CPLANE1: variants seen among roughly 807,000 people sequenced by gnomAD.
CPLANE1 encodes ciliogenesis and planar polarity effector complex subunit 1, also known as ciliogenesis and planar polarity effector 1.
In CPLANE1, 263 loss-of-function variants were observed where a neutral mutation model predicts 362.5. The observed-to-expected ratio is 0.73, with a 90% confidence interval of 0.66 to 0.80. The LOEUF (loss-of-function observed/expected upper bound fraction) is 0.80. Ranked by LOEUF, CPLANE1 falls within the 30% of genes least tolerant of loss-of-function variation. The pLI is 0.00. For missense variants in CPLANE1, 3,461 were observed against 3,793.4 expected, an observed-to-expected ratio of 0.91 and a Z score of 2.30; for synonymous variants, 1,212 against 1,302.6, an observed-to-expected ratio of 0.93 and a Z score of 1.50.
chr5:37,247,750 AAAC>A lies in CPLANE1; in HGVS notation c.-47-8_-47-6del. On this transcript the variant is annotated splice_region_variant and splice_polypyrimidine_tract_variant and intron_variant, in intron 1 of 52. Coordinates refer to ENST00000651892, the MANE Select transcript of CPLANE1 (RefSeq NM_001384732.1). ...AAGTAAAACAGTCCCAAGATTCTGT[AAAC>A]AATAATAGTAATAAAATATAAATGA... 2 of 1,499,982 alleles carry A rather than the reference AAAC, an allele frequency of 1.3e-6. No homozygotes were observed. The highest frequency in any genetic ancestry group is 1.8e-6 in the Non-Finnish European group (2 of 1,118,092). 92.9% of individuals were successfully genotyped at this position (1,499,982 alleles called of 1,614,324 possible).
chr5:37,156,215 C>T (rs1345426912), intron 41 of CPLANE1, among the ~76,000 whole-genome samples: 3 of 152,190 alleles, frequency 2.0e-5, no homozygotes, highest in Non-Finnish European at 4.4e-5. Flanking sequence ...CACTGTGGAA[C>T]CTAGGGGAGA....
chr5:37,213,792 T>G, intron 15 of CPLANE1, 60 bp from the exon 16 acceptor site: 1 of 1,292,894 alleles, frequency 7.7e-7, no homozygotes, highest in East Asian at 2.8e-5. Context: ...TAATAATATT[T>G]AAGTTCCCAA....
In CPLANE1 at chr5:37,239,724, T is replaced by C; in HGVS notation, c.823A>G (p.Lys275Glu). The change falls in exon 7 of 53, where the codon AAA (lysine) becomes GAA (glutamate). Residue 275 changes from lysine to glutamate, a missense_variant. By Grantham distance (56) the Lys-to-Glu change is moderately conservative (BLOSUM62 1). Around this residue, in one of 2 missense-constraint regions of CPLANE1, gnomAD observed 3,380 missense variants for 3,666.1 expected, o/e 0.92. Transcript: ENST00000651892. ...GLTLAVTLNQ[K>E]DPKATQVLFI... ...AGATATTTACTGACCTTGGGGTCTT[T>C]CTGATTAAGAGTTACTGCCAGGGTA... The C allele has an allele frequency of 6.6e-7, 1 of 1,514,204 alleles. No individual in the cohort carries two copies. Among genetic ancestry groups the C allele is most frequent in the African/African-American group, 1.4e-5 (1 of 72,356 alleles). The allele number at this position is 1,514,204 out of a possible 1,614,324, so 93.8% of individuals were successfully genotyped here. A position where few individuals can be genotyped will look rare whatever the true frequency, so the allele number is the denominator to read the frequency against.
chr5:37,088,890 T>G, the CPLANE1 span, among the ~76,000 whole-genome samples: 1 of 152,132 alleles, frequency 6.6e-6, no homozygotes, highest in Non-Finnish European at 1.5e-5. Flanking sequence ...ACCGTGGTAA[T>G]TGATAGTGAT....
At position 37,179,404 on chromosome 5, in the gene CPLANE1, C is replaced by A; in HGVS notation, c.5777G>T (p.Ser1926Ile). Residue 1926 changes from serine (S) to isoleucine (I), a missense_variant, in exon 29 of 53, where the codon AGT becomes ATT. Around this residue, in one of 2 missense-constraint regions of CPLANE1, gnomAD observed 3,380 missense variants for 3,666.1 expected, o/e 0.92. Transcript: ENST00000651892. ...TAAAGTCATCATGCAAATGGCAAGA[C>A]TGGGACTTCTGAAACCTCCAACAGA... The part of the protein sequence containing the change: ...EESVGGFRSP[S>I]LAICMMTLPQ... 1 of 1,613,434 alleles carries A rather than the reference C, an allele frequency of 6.2e-7. No homozygotes were observed. Among genetic ancestry groups the A allele is most frequent in the African/African-American group, 1.3e-5 (1 of 75,014 alleles).
intron 8 of CPLANE1, among the ~76,000 whole-genome samples, chr5:37,236,318 C>T (rs1170305561): frequency 6.6e-6 from 1 of 152,050 alleles, no homozygotes; most frequent in East Asian, 1.9e-4. Context: ...TAAAAATATA[C>T]ACTGGGGAAA....
chr5:37,231,136 T>A, intron 8 of CPLANE1, 87 bp from the exon 9 acceptor site: 1 of 960,598 alleles, frequency 1.0e-6, no homozygotes, highest in Non-Finnish European at 1.4e-6. Context: ...AGCAGAGGTG[T>A]GAAAGTTCAA....
chr5:37,139,524 C>A, intron 44 of CPLANE1, 154 bp from the exon 45 acceptor site: 1 of 1,141,054 alleles, frequency 8.8e-7, no homozygotes, highest in Non-Finnish European at 1.1e-6. Context: ...TATTTATCCT[C>A]TTCCTGAATA....
chr5:37,183,266 C>T lies in CPLANE1; in HGVS notation c.4915G>A (p.Gly1639Ser). ...AGTTTCTGGTTTTCTAAATGCATGCCATATTCATCATTTAAAGAGGATGAT... is the reference window on the plus strand; with the variant it reads ...AGTTTCTGGTTTTCTAAATGCATGCTATATTCATCATTTAAAGAGGATGAT... ...EKSSSLNDEY[G>S]MHLENQKLSS... The change falls in exon 26 of 53, where the codon GGC (glycine) becomes AGC (serine). Residue 1639 changes from glycine (G) to serine (S), a missense_variant. Around this residue, in one of 2 missense-constraint regions of CPLANE1, gnomAD observed 3,380 missense variants for 3,666.1 expected, o/e 0.92. Transcript: ENST00000651892. 2 of 1,613,054 alleles carry T rather than the reference C, an allele frequency of 1.2e-6. No homozygotes were observed. Among genetic ancestry groups the T allele is most frequent in the Non-Finnish European group, 1.7e-6 (2 of 1,179,744 alleles).
rs768413158 is a variant in CPLANE1, at chr5:37,227,582, C to T, written c.1357G>A (p.Val453Met). The change falls in exon 10 of 53, where the codon GTG becomes ATG. Residue 453 changes from valine (V) to methionine (M), a missense_variant. Transcript: ENST00000651892. Reference protein sequence around the residue: ...TQRLEKIYQSVILSKPKGKGL... With the variant: ...TQRLEKIYQSMILSKPKGKGL... ...AAGCACTATACCTTAGACAATATCA[C>T]ACTTTGATATATTTTCTCAAGCCTC... is the stretch of plus-strand genomic sequence containing the variant. 5 of 1,550,616 alleles carry T rather than the reference C, an allele frequency of 3.2e-6. No individual in the cohort carries two copies. The East Asian group carries it at 9.8e-5, about 30-fold the overall frequency.
chr5:37,229,071 T>C (rs1253520915), intron 9 of CPLANE1, among the ~76,000 whole-genome samples: 2 of 151,074 alleles, frequency 1.3e-5, no homozygotes, highest in African/African-American at 2.4e-5. Flanking sequence ...AATACAAAAA[T>C]TATCTGGGCG....
At chr5:37,204,512 T>C (rs1473032254) in intron 18 of CPLANE1, among the ~76,000 whole-genome samples, 1 of 152,098 alleles carries the variant, frequency 6.6e-6, no homozygotes, top group African/African-American at 2.4e-5. Context: ...ACTTTTCAAA[T>C]AAAAAAGATC....
rs1580932925 is a variant in CPLANE1, at chr5:37,230,908, G to A, written c.1080C>T (p.Gly360=). 6.5e-7 allele frequency: 1 copy of A among 1,546,732 alleles called. No individual in the cohort carries two copies. The highest frequency in any genetic ancestry group is 2.5e-5 in the East Asian group (1 of 40,754). ...GATGAAGAGGAATAAATTCTGCTGG[G>A]CCAAATTCTATAGAGCAACCAAATG... ...LITFGCSIEF[G]PAEFIPLHPL... The change falls in exon 9 of 53, where the codon GGC becomes GGT. Residue 360 remains glycine, a synonymous_variant. Transcript: ENST00000651892.
At position 37,239,600 on chromosome 5, in the gene CPLANE1, AC is replaced by A. The variant is rs1473446293; in HGVS notation, c.834+112del. 75 of 672,134 alleles carry A rather than the reference AC, an allele frequency of 1.1e-4. 1 individual carries two copies. Among genetic ancestry groups the A allele is most frequent in the Admixed American group, 3.8e-4 (9 of 23,690 alleles). 41.6% of individuals were successfully genotyped at this position (672,134 alleles called of 1,614,324 possible). On this transcript the variant is annotated intron_variant, in intron 7 of 52. Transcript: ENST00000651892. ...CCTGTCAAAAAAAAAAAAAAAAAAAACCAGAAAGAAAAAAAAAATGGATATA... is the reference window on the plus strand; with the variant it reads ...CCTGTCAAAAAAAAAAAAAAAAAAAACAGAAAGAAAAAAAAAATGGATATA...
chr5:37,133,824 G>T (rs913553705), intron 46 of CPLANE1, among the ~76,000 whole-genome samples: 3 of 152,116 alleles, frequency 2.0e-5, no homozygotes, highest in African/African-American at 7.2e-5. Context: ...AATAGAAGTG[G>T]TAAGATTAAG....
intron 20 of CPLANE1, among the ~76,000 whole-genome samples, chr5:37,198,188 G>A (rs796077100): frequency 1.3e-5 from 2 of 152,254 alleles, no homozygotes; most frequent in East Asian, 1.9e-4. Context: ...AGAATGAAGC[G>A]ACAGCTCAGC....
rs1012462823 is a variant in CPLANE1 at position 37,221,425 on chromosome 5, T to C, written c.2645A>G (p.Tyr882Cys). The C allele has an allele frequency of 6.5e-6, 10 of 1,534,734 alleles. No homozygotes were observed. The African/African-American group carries it at 1.1e-4, about 17-fold the overall frequency. The change falls in exon 15 of 53, where the codon TAT becomes TGT. Residue 882 changes from tyrosine (Y) to cysteine (C), a missense_variant. Transcript: ENST00000651892. ...TTGAGCATCATTTAAATTATAGCTATAGAGGTGGCAGTATAAGAGAGAAAG... is the reference window on the plus strand; with the variant it reads ...TTGAGCATCATTTAAATTATAGCTACAGAGGTGGCAGTATAAGAGAGAAAG... ...YYLSLLYCHL[Y>C]SYNLNDAQGL... is the part of the protein sequence containing the mutation.
chr5:37,142,248 T>C (rs935322956), intron 44 of CPLANE1, 62 bp downstream of exon 44: 1 of 1,380,602 alleles, frequency 7.2e-7, no homozygotes, highest in Non-Finnish European at 9.4e-7. Context: ...CAGTAAATCA[T>C]GTTCAGTAAC....
chr5:37,133,342 T>C lies in CPLANE1; in HGVS notation c.8792+5378A>G, dbSNP rs181126260. Reference sequence around the variant, plus strand: ...ATTGGTAGCTTGATAGAAATAGTGTTGAATCTATAGATTGCTTTGGGCAGT... The same window carrying C: ...ATTGGTAGCTTGATAGAAATAGTGTCGAATCTATAGATTGCTTTGGGCAGT... On this transcript the variant is annotated intron_variant, in intron 46 of 52. Transcript: ENST00000651892. Among the ~76,000 whole-genome samples the C allele has an allele frequency of 3.4e-3, 517 of 152,304 alleles. 1 individual carries two copies. The highest frequency in any genetic ancestry group is 4.5e-3 in the Non-Finnish European group (309 of 68,022).
Sources: gnomAD v4.1 joint callset for allele counts (sites outside exome capture counted in the v4.1 genomes callset) on GRCh38, gnomAD v4.1.1 for gene constraint, gnomAD v4.1.1 regional missense constraint, MANE v1.5 for transcripts, NCBI Gene and HGNC (gene_info 2026-07-23, HGNC 2026-07-21) for gene names.